UMAD1: variants seen among roughly 807,000 people sequenced by gnomAD.
UMAD1 encodes the protein UBAP1-MVB12-associated (UMA)-domain containing protein 1.
UMAD1 carries 8 observed loss-of-function variants against 6.1 expected under a neutral mutation model. The observed-to-expected ratio is 1.30, with a 90% CI of 0.76 to 2.35. The LOEUF is 2.35. Ranked by LOEUF, UMAD1 falls within the 30% of genes most tolerant of loss-of-function variation. The probability of loss-of-function intolerance (pLI) is 0.00; values close to 1 mark genes in which losing one functional copy is unlikely to be tolerated. For missense variants in UMAD1, 130 were observed against 78.4 expected (o/e 1.66, Z -2.49); for synonymous variants, 56 against 31.4 (o/e 1.78, Z -2.61).
intron 3 of UMAD1, among the ~76,000 whole-genome samples, chr7:7,853,903 G>A (rs764227995): frequency 3.3e-5 from 5 of 152,126 alleles, no homozygotes; most frequent in African/African-American, 4.8e-5. Flanking sequence ...TAGGGGAAAA[G>A]CATCTAGTCT....
intron 2 of UMAD1, among the ~76,000 whole-genome samples, chr7:7,772,828 TTACCAGACAGCTGTAGTGTAATTAAGAA>T (rs1286605581): frequency 2.6e-5 from 4 of 152,214 alleles, no homozygotes; most frequent in African/African-American, 9.7e-5. Flanking sequence ...CAGTTGTGCC[TTACCAGACAGCTGTAGTGTAATTAAGAA>T]AAACTGTGTG....
chr7:7,877,305 G>T lies in UMAD1; in HGVS notation c.181G>T (p.Val61Leu). 1.4e-6 allele frequency: 1 copy of T among 716,670 alleles called. No individual in the cohort carries two copies. Among genetic ancestry groups the T allele is most frequent in the Non-Finnish European group, 2.6e-6 (1 of 384,370 alleles). 44.4% of individuals were successfully genotyped at this position (716,670 alleles called of 1,614,324 possible). A position where few individuals can be genotyped will look rare whatever the true frequency, so the allele number is the denominator to read the frequency against. ...GACCAACAAAGAAAATTCATCCAGTGTGACTGTATCAGACCCTGAGATGGA... is the reference window on the plus strand; with the variant it reads ...GACCAACAAAGAAAATTCATCCAGTTTGACTGTATCAGACCCTGAGATGGA... ...LETNKENSSS[V>L]TVSDPEMENK... Residue 61 changes from valine to leucine, a missense_variant, in exon 4 of 4, where the codon GTG (valine) becomes TTG (leucine). Val to Leu is a conservative substitution (Grantham distance 32, BLOSUM62 1). Transcript: ENST00000682710.
intron 3 of UMAD1, among the ~76,000 whole-genome samples, chr7:7,875,624 T>C (rs28419778): frequency 0.51 from 78,172 of 151,902 alleles, 20,390 homozygotes; most frequent in Non-Finnish European, 0.54. Context: ...CATACACCCT[T>C]CCAACACTAA....
intron 3 of UMAD1, among the ~76,000 whole-genome samples, chr7:7,822,927 C>T (rs906002370): frequency 6.6e-6 from 1 of 151,658 alleles, no homozygotes; most frequent in African/African-American, 2.4e-5. Flanking sequence ...TTTCATGCCT[C>T]TATATTTTTA....
At chr7:7,782,028 A>T (rs1333135424) in intron 2 of UMAD1, among the ~76,000 whole-genome samples, 1 of 152,124 alleles carries the variant, frequency 6.6e-6, no homozygotes, top group African/African-American at 2.4e-5. Flanking sequence ...TGTAGAATGT[A>T]AAAATAATCT....
chr7:7,798,318 A>G (rs761694204), intron 2 of UMAD1, among the ~76,000 whole-genome samples: 4 of 152,224 alleles, frequency 2.6e-5, no homozygotes, highest in Non-Finnish European at 4.4e-5. Context: ...TGTAGCCTTT[A>G]TCATTTACTC....
At chr7:7,664,098 A>G (rs550814221) in intron 1 of UMAD1, among the ~76,000 whole-genome samples, 1 of 152,214 alleles carries the variant, frequency 6.6e-6, no homozygotes, top group African/African-American at 2.4e-5. Context: ...TCTTGCTATT[A>G]TTTAAAACCT....
At chr7:7,775,826 T>C (rs957381639) in intron 2 of UMAD1, among the ~76,000 whole-genome samples, 3 of 152,202 alleles carry the variant, frequency 2.0e-5, no homozygotes, top group Non-Finnish European at 2.9e-5. Context: ...TGAAAAAATA[T>C]ACTATGTGAT....
At position 7,877,361 on chromosome 7, in the gene UMAD1, C is replaced by T. The variant is rs988851118; in HGVS notation, c.237C>T (p.Ser79=). 2.8e-6 allele frequency: 2 copies of T among 717,542 alleles called. No homozygotes were observed. Among genetic ancestry groups the T allele is most frequent in the South Asian group, 3.0e-5 (2 of 67,608 alleles). The allele number at this position is 717,542 out of a possible 1,614,324, so 44.4% of individuals were successfully genotyped here. ...ENKAGQTLEN[S]SLMAELLSDV... Reference sequence around the variant, plus strand: ...AGGCAGGCCAGACTCTGGAGAACAGCTCATTAATGGCCGAGCTCCTGAGCG... The same window carrying T: ...AGGCAGGCCAGACTCTGGAGAACAGTTCATTAATGGCCGAGCTCCTGAGCG... Residue 79 remains serine, a synonymous_variant, in exon 4 of 4, where the codon AGC becomes AGT. Coordinates refer to ENST00000682710, the MANE Select transcript of UMAD1 (RefSeq NM_001302348.2).
chr7:7,867,966 G>A (rs993686034), intron 3 of UMAD1, among the ~76,000 whole-genome samples: 2 of 152,072 alleles, frequency 1.3e-5, no homozygotes, highest in Admixed American at 6.6e-5. Flanking sequence ...AGAGCAGATA[G>A]AGGAGATCCT....
chr7:7,659,819 G>C (rs926263110), intron 1 of UMAD1, among the ~76,000 whole-genome samples: 3 of 152,158 alleles, frequency 2.0e-5, no homozygotes, highest in Non-Finnish European at 4.4e-5. Context: ...TATTAGGTCT[G>C]CTTGGTCCAG....
chr7:7,684,435 C>T (rs1779989339), intron 2 of UMAD1, among the ~76,000 whole-genome samples: 1 of 151,858 alleles, frequency 6.6e-6, no homozygotes. Flanking sequence ...TCTTGAACTT[C>T]TGGCCTTGAG....
intron 3 of UMAD1, among the ~76,000 whole-genome samples, chr7:7,854,467 G>C (rs983685590): frequency 1.8e-4 from 28 of 151,936 alleles, no homozygotes; most frequent in African/African-American, 6.8e-4. Context: ...CTCTTTATGA[G>C]GCAGCAGAAG....
At chr7:7,837,289 C>G (rs1433462474) in intron 3 of UMAD1, among the ~76,000 whole-genome samples, 1 of 152,012 alleles carries the variant, frequency 6.6e-6, no homozygotes, top group Non-Finnish European at 1.5e-5. Flanking sequence ...AAGAGACTCT[C>G]TCTAAAGGAA....
chr7:7,792,851 A>C (rs62434082), intron 2 of UMAD1, among the ~76,000 whole-genome samples: 9,977 of 152,256 alleles, frequency 0.066, 412 homozygotes, highest in Non-Finnish European at 0.088. Flanking sequence ...GGTTCGTAGA[A>C]GGCATCTTCT....
chr7:7,827,139 A>ATGTGTGTGTG (rs1262642122), intron 3 of UMAD1, among the ~76,000 whole-genome samples: 158 of 134,018 alleles, frequency 1.2e-3, no homozygotes, highest in Middle Eastern at 3.8e-3. Context: ...ATATATATAT[A>ATGTGTGTGTG]TATATATATG....
In UMAD1 at chr7:7,661,009, G is replaced by GT. The variant is rs140344078; in HGVS notation, c.-63-12290dup. Among the ~76,000 whole-genome samples, 36 of 150,678 alleles carry GT rather than the reference G, an allele frequency of 2.4e-4. No homozygotes were observed. The East Asian group carries it at 2.7e-3, about 11-fold the overall frequency. ...GAGGCTTTGTTCATTCCTTTTGATT[G>GT]TTTTTTTTTTGTTTTGTTTTCTAAT... is the stretch of plus-strand genomic sequence containing the variant. On this transcript the variant is annotated intron_variant, in intron 1 of 3. Transcript: ENST00000682710.
intron 1 of UMAD1, among the ~76,000 whole-genome samples, chr7:7,650,323 T>C (rs1785196618): frequency 6.6e-6 from 1 of 152,244 alleles, no homozygotes; most frequent in African/African-American, 2.4e-5. Flanking sequence ...TCAGTTCATG[T>C]TTGTTTTTCT....
intron 2 of UMAD1, among the ~76,000 whole-genome samples, chr7:7,758,274 T>C (rs1781818808): frequency 1.3e-5 from 2 of 151,488 alleles, no homozygotes; most frequent in South Asian, 4.2e-4. Flanking sequence ...TTGCTTTCCC[T>C]TTTTCTCACG....
Sources: allele counts gnomAD v4.1 joint callset (sites outside exome capture counted in the v4.1 genomes callset), GRCh38; gene constraint gnomAD v4.1.1; transcripts MANE v1.5; gene names NCBI Gene and HGNC (gene_info 2026-07-23, HGNC 2026-07-21).